The following ZNF287 variants were observed in gnomAD, a reference collection of about 807,000 sequenced individuals.
The protein encoded by ZNF287 is zinc finger protein with KRAB and SCAN domains 13.
A neutral mutation model predicts 73.7 loss-of-function variants in ZNF287; 31 were observed. That is an observed-to-expected ratio of 0.42 (90% CI 0.32 to 0.57). ZNF287 has a LOEUF of 0.57. Ranked by LOEUF, ZNF287 falls within the 20% of genes least tolerant of loss-of-function variation. The pLI, the probability that ZNF287 is intolerant of heterozygous loss-of-function variation, is 0.13. For synonymous variants in ZNF287, 301 were observed against 307.2 expected (o/e 0.98, Z 0.21); for missense variants, 641 against 909.3 (o/e 0.70, Z 3.79).
rs1205964282 is a variant in ZNF287, at chr17:16,567,641, T to C, written c.91A>G (p.Asn31Asp). The C allele has an allele frequency of 3.7e-6, 6 of 1,614,212 alleles. No homozygotes were observed. The highest frequency in any genetic ancestry group is 1.1e-5 in the South Asian group (1 of 91,082). The change falls in exon 2 of 6, where the codon AAT becomes GAT. Residue 31 changes from asparagine (N) to aspartate (D), a missense_variant. Asn to Asp is a conservative substitution (Grantham distance 23, BLOSUM62 1). Coordinates refer to ENST00000395825, the MANE Select transcript of ZNF287 (RefSeq NM_020653.4). Reference protein sequence around the residue: ...KSDKAQSGPYNVEKEILTSRF... With the variant: ...KSDKAQSGPYDVEKEILTSRF... ...GAAGTAAGGATTTCCTTCTCAACAT[T>C]GTAGGGTCCACTCTGAGCCTTGTCT... is the stretch of plus-strand genomic sequence containing the variant.
chr17:16,560,303 C>A (rs1907342413), intron 5 of ZNF287, among the ~76,000 whole-genome samples: 1 of 131,194 alleles, frequency 7.6e-6, no homozygotes, highest in African/African-American at 3.4e-5. Context: ...CATTAGTCAA[C>A]AGTGGTGTAT....
rs146628534 is a variant in ZNF287, at chr17:16,558,626, T to C, written c.715+4520A>G. Reference sequence around the variant, plus strand: ...TATCATATTTGTCATTATTGTTTAATTCATTGTTGTATACTAGCATCCATA... The same window carrying C: ...TATCATATTTGTCATTATTGTTTAACTCATTGTTGTATACTAGCATCCATA... On this transcript the variant is annotated intron_variant, in intron 5 of 5. Transcript: ENST00000395825. Among the ~76,000 whole-genome samples the C allele has an allele frequency of 4.3e-4, 65 of 152,268 alleles. 1 individual carries two copies. Among genetic ancestry groups the C allele is most frequent in the Admixed American group, 3.5e-3 (53 of 15,288 alleles).
chr17:16,557,297 T>G lies in ZNF287; in HGVS notation c.716-3871A>C, dbSNP rs572998077. Among the ~76,000 whole-genome samples, 9 of 152,274 alleles carry G rather than the reference T, an allele frequency of 5.9e-5. No homozygotes were observed. The South Asian group carries it at 1.9e-3, about 32-fold the overall frequency. The stretch of plus-strand genomic sequence containing the variant: ...TAAGGACAAACAGTGGTATAATATT[T>G]CTAAACAGAGGAGATTAATGTTGAC... On this transcript the variant is annotated intron_variant, in intron 5 of 5. Transcript: ENST00000395825.
Position 16,567,829 on chromosome 17 carries a change from T to G in ZNF287, c.-98A>C. 2.0e-6 allele frequency: 3 copies of G among 1,499,306 alleles called. No individual in the cohort carries two copies. Among genetic ancestry groups the G allele is most frequent in the Non-Finnish European group, 2.6e-6 (3 of 1,132,886 alleles). The allele number at this position is 1,499,306 out of a possible 1,614,324, so 92.9% of individuals were successfully genotyped here. ...ATGCTAGAGTCACAAGGACACTATA[T>G]CAAAGGCTGCTGCAGCCGAGGGCAG... is the stretch of plus-strand genomic sequence containing the variant. On this transcript the variant is annotated 5_prime_UTR_variant, in exon 2 of 6. Coordinates refer to ENST00000395825, the MANE Select transcript of ZNF287 (RefSeq NM_020653.4).
At chr17:16,563,959 C>A in intron 3 of ZNF287, 134 bp from the exon 4 acceptor site, 1 of 995,242 alleles carries the variant, frequency 1.0e-6, no homozygotes, top group Non-Finnish European at 1.4e-6. Flanking sequence ...GTTGTCTAGT[C>A]AAAACCCTCC....
intron 3 of ZNF287, 121 bp downstream of exon 3, chr17:16,566,404 G>T: frequency 1.4e-6 from 1 of 735,382 alleles, no homozygotes; most frequent in African/African-American, 1.8e-5. Context: ...ACATAGGAGA[G>T]AAACTGGGGC....
chr17:16,563,682 A>G lies in ZNF287; in HGVS notation c.628+17T>C, dbSNP rs1404866950. 1 of 1,609,760 alleles carries G rather than the reference A, an allele frequency of 6.2e-7. No homozygotes were observed. Among genetic ancestry groups the G allele is most frequent in the East Asian group, 2.2e-5 (1 of 44,756 alleles). ...TGGGAACAGGCTCGGAGGAGGAGGGATGCAGATGATCCTTACCCAGAGAAA... is the reference window on the plus strand; with the variant it reads ...TGGGAACAGGCTCGGAGGAGGAGGGGTGCAGATGATCCTTACCCAGAGAAA... On this transcript the variant is annotated intron_variant, in intron 4 of 5. Coordinates refer to ENST00000395825, the MANE Select transcript of ZNF287 (RefSeq NM_020653.4).
intron 5 of ZNF287, chr17:16,559,310 T>C (rs1907270591): frequency 6.6e-6 from 1 of 152,202 alleles, no homozygotes; most frequent in African/African-American, 2.4e-5. Context: ...CTTAGTGGTA[T>C]ATATTCTAAG....
chr17:16,553,439 AT>A lies in ZNF287; in HGVS notation c.716-14del. 1 of 1,463,522 alleles carries A rather than the reference AT, an allele frequency of 6.8e-7. No individual in the cohort carries two copies. The highest frequency in any genetic ancestry group is 9.0e-7 in the Non-Finnish European group (1 of 1,105,866). 90.7% of individuals were successfully genotyped at this position (1,463,522 alleles called of 1,614,324 possible). ...TTAGTTTCCCATTCTGAAATAAAAA[AT>A]ATATTAAAAAATCTTCATTTATTTG... is the stretch of plus-strand genomic sequence containing the variant. On this transcript the variant is annotated splice_polypyrimidine_tract_variant and intron_variant, in intron 5 of 5. Transcript: ENST00000395825.
Position 16,552,007 on chromosome 17 carries a change from TCC to T in ZNF287, c.2133_2134del (p.Asp712PhefsTer2). 1 of 1,614,118 alleles carries T rather than the reference TCC, an allele frequency of 6.2e-7. No individual in the cohort carries two copies. Among genetic ancestry groups the T allele is most frequent in the Non-Finnish European group, 8.5e-7 (1 of 1,179,982 alleles). On this transcript the variant is annotated frameshift_variant, in exon 6 of 6. Coordinates refer to ENST00000395825, the MANE Select transcript of ZNF287 (RefSeq NM_020653.4). LOFTEE classifies it high-confidence loss of function. The surrounding 1 kb of genome is among the most constrained non-coding windows in gnomAD (Gnocchi z 6.5). Reference sequence around the variant, plus strand: ...AATAAGGCATGTTCTCTGGCTAAAATCCTTATCACATTCATTACATTTATAGG... The same window carrying T: ...AATAAGGCATGTTCTCTGGCTAAAATTTATCACATTCATTACATTTATAGG...
chr17:16,563,353 A>C, intron 4 of ZNF287, 121 bp from the exon 5 acceptor site: 1 of 673,622 alleles, frequency 1.5e-6, no homozygotes, highest in Non-Finnish European at 2.5e-6. Context: ...GTTCATGGAC[A>C]TGATCTAATA....
chr17:16,562,349 C>T (rs908691216), intron 5 of ZNF287, among the ~76,000 whole-genome samples: 2 of 152,106 alleles, frequency 1.3e-5, no homozygotes, highest in East Asian at 3.8e-4. Flanking sequence ...TTGTATGCTA[C>T]CATTCACATT....
At chr17:16,559,534 A>C (rs1042097009) in intron 5 of ZNF287, among the ~76,000 whole-genome samples, 1 of 151,356 alleles carries the variant, frequency 6.6e-6, no homozygotes, top group African/African-American at 2.4e-5. Flanking sequence ...TCAGATTTGA[A>C]TTGGAGTTTA....
At position 16,548,835 on chromosome 17, in the gene ZNF287, G is replaced by C. The variant is rs1030110678; in HGVS notation, c.*3021C>G. Among the ~76,000 whole-genome samples the C allele has an allele frequency of 1.3e-5, 2 of 152,046 alleles. No individual in the cohort carries two copies. Among genetic ancestry groups the C allele is most frequent in the African/African-American group, 4.8e-5 (2 of 41,434 alleles). On this transcript the variant is annotated 3_prime_UTR_variant, in exon 6 of 6. Transcript: ENST00000395825. The stretch of plus-strand genomic sequence containing the variant: ...AAAAACCAAAGTGGGGACTGTTCTA[G>C]ATAGATGAAACAGATAATCAAATAC...
chr17:16,554,638 G>A (rs1906922766), intron 5 of ZNF287, among the ~76,000 whole-genome samples: 1 of 152,200 alleles, frequency 6.6e-6, no homozygotes, highest in African/African-American at 2.4e-5. Flanking sequence ...CAGATTAGAG[G>A]CCAAGCTCTG....
chr17:16,554,202 C>CTT lies in ZNF287; in HGVS notation c.716-778_716-777dup, dbSNP rs565329005. 1.2e-3 allele frequency among the ~76,000 whole-genome samples: 174 copies of CTT among 139,394 alleles called. 3 individuals carry two copies. Among genetic ancestry groups the CTT allele is most frequent in the African/African-American group, 4.3e-3 (161 of 37,328 alleles). 91.4% of individuals were successfully genotyped at this position (139,394 alleles called of 152,430 possible). A position where few individuals can be genotyped will look rare whatever the true frequency, so the allele number is the denominator to read the frequency against. On this transcript the variant is annotated intron_variant, in intron 5 of 5. Transcript: ENST00000395825. The stretch of plus-strand genomic sequence containing the variant: ...TTCAGCTTAATTTAGTTATCCACTA[C>CTT]TTTTTTTTTTTTTTTTTTGAGACAG...
chr17:16,552,356 T>C lies in ZNF287; in HGVS notation c.1786A>G (p.Ile596Val), dbSNP rs777822571. 9.3e-6 allele frequency: 15 copies of C among 1,613,570 alleles called. No homozygotes were observed. Among genetic ancestry groups the C allele is most frequent in the Non-Finnish European group, 1.2e-5 (14 of 1,179,884 alleles). ...HTGEKSYICN[I>V]CGKAFSQSAN... ...CTCTGGCTGAAGGCTTTCCCACATA[T>C]ATTACATATATAGGATTTCTCTCCA... Residue 596 changes from isoleucine to valine, a missense_variant, in exon 6 of 6, where the codon ATA becomes GTA. Physicochemically the swap from Ile to Val is conservative, Grantham distance 29. Around this residue, in one of 2 missense-constraint regions of ZNF287, gnomAD observed 284 missense variants for 466.8 expected, o/e 0.61. Transcript: ENST00000395825. The surrounding 1 kb of genome is among the most constrained non-coding windows in gnomAD (Gnocchi z 6.5).
rs768882600 is a variant in ZNF287, at chr17:16,567,332, C to T, written c.400G>A (p.Glu134Lys). The change falls in exon 2 of 6, where the codon GAA becomes AAA. Residue 134 changes from glutamate to lysine, a missense_variant. Glu to Lys is a moderately conservative substitution (Grantham distance 56). Around this residue, in one of 2 missense-constraint regions of ZNF287, gnomAD observed 357 missense variants for 442.4 expected, o/e 0.81. Coordinates refer to ENST00000395825, the MANE Select transcript of ZNF287 (RefSeq NM_020653.4). ...CTCTCTGCTCTATGATTCTCACCTTCCTCTTCTAGAATCTGAGTCAAATCC... is the reference window on the plus strand; with the variant it reads ...CTCTCTGCTCTATGATTCTCACCTTTCTCTTCTAGAATCTGAGTCAAATCC... The part of the protein sequence containing the change: ...VEDLTQILEE[E>K]APQNSTLSQD... The T allele has an allele frequency of 6.2e-7, 1 of 1,610,892 alleles. No individual in the cohort carries two copies. Among genetic ancestry groups the T allele is most frequent in the Non-Finnish European group, 8.5e-7 (1 of 1,177,798 alleles).
At chr17:16,560,373 G>A (rs1156296484) in intron 5 of ZNF287, among the ~76,000 whole-genome samples, 1 of 147,312 alleles carries the variant, frequency 6.8e-6, no homozygotes, top group African/African-American at 2.5e-5. Context: ...TTTTTGAGGT[G>A]GAGTCTAGCT....
Sources: gnomAD v4.1 joint callset for allele counts (sites outside exome capture counted in the v4.1 genomes callset) on GRCh38, gnomAD v4.1.1 for gene constraint, gnomAD v4.1.1 regional missense constraint, Gnocchi (gnomAD v3.1) non-coding constraint, MANE v1.5 for transcripts, NCBI Gene and HGNC (gene_info 2026-07-23, HGNC 2026-07-21) for gene names.